Variants in RIC1 observed in about 807,000 individuals in gnomAD.
RIC1 encodes guanine nucleotide exchange factor subunit RIC1.
In RIC1, 88 loss-of-function variants were observed where a neutral mutation model predicts 169.0. The observed-to-expected ratio is 0.52, with a 90% confidence interval of 0.44 to 0.62. The LOEUF is 0.62. Ranked by LOEUF, RIC1 falls within the 20% of genes least tolerant of loss-of-function variation. RIC1 has a pLI of 0.00. For synonymous variants in RIC1, 790 were observed against 601.5 expected (o/e 1.31, Z -4.59); for missense variants, 1,877 against 1,725.5 (o/e 1.09, Z -1.56).
At chr9:5,770,668 T>A (rs1827151815) in intron 23 of RIC1, among the ~76,000 whole-genome samples, 1 of 152,248 alleles carries the variant, frequency 6.6e-6, no homozygotes, top group Non-Finnish European at 1.5e-5. Context: ...TTATTTATTT[T>A]TCTTTTGGAA....
At chr9:5,668,020 C>G (rs888239487) in intron 2 of RIC1, among the ~76,000 whole-genome samples, 1 of 152,208 alleles carries the variant, frequency 6.6e-6, no homozygotes, top group Non-Finnish European at 1.5e-5. Flanking sequence ...TACAGTTCTA[C>G]ATGGCTGGGG....
intron 3 of RIC1, among the ~76,000 whole-genome samples, chr9:5,707,294 T>G (rs771937456): frequency 6.6e-6 from 1 of 152,164 alleles, no homozygotes; most frequent in Non-Finnish European, 1.5e-5. Context: ...TTTTGTGGTT[T>G]AATATCCATT....
At chr9:5,692,554 T>C (rs533966758) in intron 3 of RIC1, among the ~76,000 whole-genome samples, 3 of 152,228 alleles carry the variant, frequency 2.0e-5, no homozygotes, top group African/African-American at 2.4e-5. Context: ...AAATCTCTTA[T>C]ATGAAAATAG....
chr9:5,695,571 CTTTTT>C (rs539521445), intron 3 of RIC1, among the ~76,000 whole-genome samples: 5 of 128,748 alleles, frequency 3.9e-5, no homozygotes, highest in African/African-American at 8.5e-5. Context: ...ATTATTATAT[CTTTTT>C]TTTTTTTTTT....
At chr9:5,651,941 A>C (rs1217075903) in intron 1 of RIC1, among the ~76,000 whole-genome samples, 1 of 152,186 alleles carries the variant, frequency 6.6e-6, no homozygotes, top group Admixed American at 6.5e-5. Flanking sequence ...GCATGTGGCT[A>C]TCCAGGTTTC....
chr9:5,697,425 G>A (rs1198280292), intron 3 of RIC1, among the ~76,000 whole-genome samples: 1 of 152,008 alleles, frequency 6.6e-6, no homozygotes, highest in Non-Finnish European at 1.5e-5. Flanking sequence ...TCTTGTTTCT[G>A]GGCACTAGTT....
chr9:5,672,472 C>A (rs913388619), intron 2 of RIC1, among the ~76,000 whole-genome samples: 10 of 152,116 alleles, frequency 6.6e-5, no homozygotes, highest in African/African-American at 2.4e-4. Flanking sequence ...GATAAATAAC[C>A]CCTTGTGAGA....
rs761666771 is a variant in RIC1 at position 5,629,387 on chromosome 9, G to T, written c.78G>T (p.Gln26His). The T allele has an allele frequency of 3.3e-5, 50 of 1,533,676 alleles. No individual in the cohort carries two copies. The highest frequency in any genetic ancestry group is 4.2e-5 in the Non-Finnish European group (48 of 1,146,048). ...GSPAEAPFHV[Q>H]SDPQRAFFAV... ...CGGCCGAGGCGCCTTTCCACGTTCA[G>T]TCCGACCCGCAGAGGGCTTTCTTCG... Residue 26 changes from glutamine to histidine, a missense_variant, in exon 1 of 26, where the codon CAG becomes CAT. Physicochemically the swap from Gln to His is conservative, Grantham distance 24. Around this residue, in one of 3 missense-constraint regions of RIC1, gnomAD observed 1,104 missense variants for 992.0 expected, o/e 1.11. Coordinates refer to ENST00000414202, the MANE Select transcript of RIC1 (RefSeq NM_020829.4).
In RIC1 at chr9:5,689,085, G is replaced by C. The variant is rs536111244; in HGVS notation, c.253-874G>C. Among the ~76,000 whole-genome samples, 5 of 111,086 alleles carry C rather than the reference G, an allele frequency of 4.5e-5. No individual in the cohort carries two copies. The South Asian group carries it at 1.4e-3, about 32-fold the overall frequency. 72.9% of individuals were successfully genotyped at this position (111,086 alleles called of 152,430 possible). On this transcript the variant is annotated intron_variant, in intron 2 of 25. Coordinates refer to ENST00000414202, the MANE Select transcript of RIC1 (RefSeq NM_020829.4). ...TTTTTTTGAGACGGAGTCTCGCTCT[G>C]TCGCCCAGCGGGGAGTGCAGTGGCG...
At chr9:5,738,808 A>C (rs1227571743) in intron 8 of RIC1, among the ~76,000 whole-genome samples, 1 of 151,978 alleles carries the variant, frequency 6.6e-6, no homozygotes, top group Non-Finnish European at 1.5e-5. Flanking sequence ...TATCAGTTTC[A>C]CTTCCAGGAA....
At chr9:5,688,069 G>T (rs1274394726) in intron 2 of RIC1, among the ~76,000 whole-genome samples, 2 of 152,000 alleles carry the variant, frequency 1.3e-5, no homozygotes, top group African/African-American at 4.8e-5. Flanking sequence ...TTTCTATATT[G>T]CCTAACCTTT....
At chr9:5,722,288 T>C (rs993817221) in intron 6 of RIC1, among the ~76,000 whole-genome samples, 1 of 144,468 alleles carries the variant, frequency 6.9e-6, no homozygotes, top group African/African-American at 2.6e-5. Context: ...CCCGAGGAAC[T>C]ATATCACTTA....
chr9:5,722,886 C>T (rs1587023088), intron 6 of RIC1, among the ~76,000 whole-genome samples: 2 of 152,190 alleles, frequency 1.3e-5, no homozygotes, highest in South Asian at 4.1e-4. Context: ...AGGACATGAA[C>T]TCATCCTTTT....
intron 2 of RIC1, among the ~76,000 whole-genome samples, chr9:5,666,298 G>A (rs930668748): frequency 2.0e-5 from 3 of 152,050 alleles, no homozygotes; most frequent in African/African-American, 4.8e-5. Flanking sequence ...TATATCCTAC[G>A]ACTTTGCTAA....
chr9:5,767,830 G>A (rs1186862972), intron 21 of RIC1, among the ~76,000 whole-genome samples: 11 of 151,860 alleles, frequency 7.2e-5, no homozygotes, highest in African/African-American at 1.9e-4. Flanking sequence ...CAGGTGATCC[G>A]CCTGCCTCTG....
chr9:5,665,166 T>C (rs983207997), intron 2 of RIC1, among the ~76,000 whole-genome samples: 3 of 152,206 alleles, frequency 2.0e-5, no homozygotes, highest in African/African-American at 7.2e-5. Context: ...TGTTATGTAA[T>C]GCCCTTTGTC....
chr9:5,663,466 T>G (rs1473211057), intron 2 of RIC1, among the ~76,000 whole-genome samples: 8 of 152,220 alleles, frequency 5.3e-5, no homozygotes. Flanking sequence ...CTAAGTCTTT[T>G]TGAAGGTCTC....
intron 3 of RIC1, among the ~76,000 whole-genome samples, chr9:5,695,959 T>C (rs1479065424): frequency 6.6e-6 from 1 of 152,190 alleles, no homozygotes; most frequent in Non-Finnish European, 1.5e-5. Context: ...TGCTAAACTT[T>C]TTTGCAGTTA....
At chr9:5,715,946 C>T (rs906516846) in intron 4 of RIC1, among the ~76,000 whole-genome samples, 2 of 151,982 alleles carry the variant, frequency 1.3e-5, no homozygotes, top group African/African-American at 4.8e-5. Context: ...CTCCTGGGCT[C>T]CAGTGATCTC....
Sources: allele counts gnomAD v4.1 joint callset (sites outside exome capture counted in the v4.1 genomes callset), GRCh38; gene constraint gnomAD v4.1.1; regional missense constraint gnomAD v4.1.1; transcripts MANE v1.5; gene names NCBI Gene and HGNC (gene_info 2026-07-23, HGNC 2026-07-21).